The following KATNA1 variants were observed in gnomAD, a reference collection of about 807,000 sequenced individuals.
KATNA1 encodes the protein katanin p60 ATPase-containing subunit A1.
Under a neutral mutation model 62.6 loss-of-function variants are expected in KATNA1, and 42 were observed. That is an observed-to-expected ratio of 0.67 (90% confidence interval 0.52 to 0.87). The LOEUF is 0.87. Among genes scored for constraint, KATNA1 ranks in the 40% least tolerant of loss-of-function variants. The pLI, the probability that KATNA1 is intolerant of heterozygous loss-of-function variation, is 0.00. For missense variants in KATNA1, 498 were observed against 612.5 expected, an observed-to-expected ratio of 0.81 and a Z score of 1.97; for synonymous variants, 186 against 201.9, an observed-to-expected ratio of 0.92 and a Z score of 0.67.
intron 1 of KATNA1, among the ~76,000 whole-genome samples, chr6:149,645,852 AG>A (rs927476222): frequency 3.3e-5 from 5 of 152,214 alleles, no homozygotes; most frequent in African/African-American, 1.2e-4. Flanking sequence ...TATGTGATGC[AG>A]TGCTGTCTCT....
At chr6:149,604,596 T>A in intron 5 of KATNA1, 65 bp downstream of exon 5, 1 of 1,554,346 alleles carries the variant, frequency 6.4e-7, no homozygotes, top group Non-Finnish European at 8.9e-7. Flanking sequence ...ATGCTCACAT[T>A]TGCTCCATTT....
At chr6:149,599,041 T>A (rs1778432395) in intron 7 of KATNA1, among the ~76,000 whole-genome samples, 1 of 151,890 alleles carries the variant, frequency 6.6e-6, no homozygotes, top group Non-Finnish European at 1.5e-5. Flanking sequence ...ATTTTTATAT[T>A]TTTGGTAGAG....
chr6:149,648,466 C>T lies in KATNA1; in HGVS notation c.-14+3G>A, dbSNP rs1003873318. 4 of 152,270 alleles carry T rather than the reference C, an allele frequency of 2.6e-5. No homozygotes were observed. The highest frequency in any genetic ancestry group is 7.2e-5 in the African/African-American group (3 of 41,444). 9.4% of individuals were successfully genotyped at this position (152,270 alleles called of 1,614,324 possible). A position where few individuals can be genotyped will look rare whatever the true frequency, so the allele number is the denominator to read the frequency against. ...CCAGAGCACCGCCAGAGTGAAAACT[C>T]ACCTGCGGCGGCCCAAGCTCCTCGG... On this transcript the variant is annotated splice_donor_region_variant and intron_variant, in intron 1 of 10. Transcript: ENST00000367411.
chr6:149,601,937 C>T (rs1465971700), intron 6 of KATNA1, 185 bp from the exon 7 acceptor site: 3 of 448,138 alleles, frequency 6.7e-6, no homozygotes, highest in Non-Finnish European at 1.1e-5. Flanking sequence ...AAGAAGATAA[C>T]CACATTATGA....
intron 3 of KATNA1, among the ~76,000 whole-genome samples, chr6:149,629,763 A>G (rs1462102170): frequency 6.6e-6 from 1 of 152,188 alleles, no homozygotes. Flanking sequence ...AACTATATAT[A>G]GGTTACATAC....
intron 2 of KATNA1, among the ~76,000 whole-genome samples, chr6:149,634,568 C>T (rs775479118): frequency 6.6e-5 from 10 of 152,136 alleles, no homozygotes; most frequent in South Asian, 2.1e-4. Flanking sequence ...TACAGTGGCA[C>T]GATCATAGCT....
intron 1 of KATNA1, among the ~76,000 whole-genome samples, chr6:149,644,833 T>G (rs1390190033): frequency 1.3e-5 from 2 of 152,074 alleles, no homozygotes; most frequent in African/African-American, 4.8e-5. Context: ...CTAACAAACA[T>G]GAATGTAAAG....
In KATNA1 at chr6:149,638,370, C is replaced by A. The variant is rs1780146599; in HGVS notation, c.162+16G>T. 1.2e-6 allele frequency: 2 copies of A among 1,606,874 alleles called. No homozygotes were observed. Among genetic ancestry groups the A allele is most frequent in the South Asian group, 1.1e-5 (1 of 90,330 alleles). On this transcript the variant is annotated intron_variant, in intron 2 of 10. Coordinates refer to ENST00000367411, the MANE Select transcript of KATNA1 (RefSeq NM_007044.4). ...GTACTTAAGCCATTAAAACATACAG[C>A]AGCCATTACTCTCACCTGTTGCCAT...
intron 7 of KATNA1, among the ~76,000 whole-genome samples, chr6:149,598,707 C>G (rs1778420506): frequency 1.3e-5 from 2 of 151,400 alleles, no homozygotes; most frequent in Non-Finnish European, 2.9e-5. Context: ...GACTGGGTGA[C>G]AGAGTGAGAA....
At chr6:149,596,560 G>A (rs948856812) in intron 10 of KATNA1, among the ~76,000 whole-genome samples, 4 of 151,952 alleles carry the variant, frequency 2.6e-5, no homozygotes, top group Non-Finnish European at 5.9e-5. Context: ...ACTGGAATGT[G>A]GGTCTTTATT....
At chr6:149,617,744 G>A (rs1258134428) in intron 4 of KATNA1, among the ~76,000 whole-genome samples, 4 of 152,076 alleles carry the variant, frequency 2.6e-5, no homozygotes, top group Non-Finnish European at 5.9e-5. Context: ...AAACCAGCCT[G>A]ACCAATATGG....
In KATNA1 at chr6:149,597,395, G is replaced by C. The variant is rs1348951904; in HGVS notation, c.1150+112C>G. The C allele has an allele frequency of 6.0e-6, 8 of 1,343,702 alleles. No individual in the cohort carries two copies. The South Asian group carries it at 1.1e-4, about 18-fold the overall frequency. The allele number at this position is 1,343,702 out of a possible 1,614,324, so 83.2% of individuals were successfully genotyped here. A position where few individuals can be genotyped will look rare whatever the true frequency, so the allele number is the denominator to read the frequency against. On this transcript the variant is annotated intron_variant, in intron 9 of 10. Transcript: ENST00000367411. ...TAGCCAAACTAGTACTGTAAAGGAA[G>C]ATACTCCTCATGTATCTCTTCCAGA...
chr6:149,602,784 T>C (rs933575788), intron 6 of KATNA1, among the ~76,000 whole-genome samples: 11 of 151,168 alleles, frequency 7.3e-5, no homozygotes, highest in Non-Finnish European at 7.4e-5. Flanking sequence ...TGCAATGGCG[T>C]GATCTCAGCT....
Position 149,614,160 on chromosome 6 carries a change from C to T in KATNA1, c.501+8943G>A, listed in dbSNP as rs111393063. Among the ~76,000 whole-genome samples the T allele has an allele frequency of 3.6e-4, 55 of 152,290 alleles. No homozygotes were observed. The Middle Eastern group carries it at 0.01, about 28-fold the overall frequency. On this transcript the variant is annotated intron_variant, in intron 4 of 10. Coordinates refer to ENST00000367411, the MANE Select transcript of KATNA1 (RefSeq NM_007044.4). ...TAGGCCCTTAGTAGGCAACTGTACACGTGCTCCTGGAGTAGTCTGCAGGCA... is the reference window on the plus strand; with the variant it reads ...TAGGCCCTTAGTAGGCAACTGTACATGTGCTCCTGGAGTAGTCTGCAGGCA...
chr6:149,633,153 G>C (rs1420669766), intron 2 of KATNA1, among the ~76,000 whole-genome samples: 2 of 146,542 alleles, frequency 1.4e-5, no homozygotes, highest in Non-Finnish European at 3.0e-5. Context: ...GCCCAGGCTG[G>C]AGTGCAGTGG....
chr6:149,624,778 G>A (rs1779540286), intron 3 of KATNA1, among the ~76,000 whole-genome samples: 1 of 151,560 alleles, frequency 6.6e-6, no homozygotes, highest in Non-Finnish European at 1.5e-5. Flanking sequence ...TTACAAGGGG[G>A]AAAACAAACA....
chr6:149,618,665 C>T (rs771670181), intron 4 of KATNA1, among the ~76,000 whole-genome samples: 28 of 151,902 alleles, frequency 1.8e-4, no homozygotes, highest in Non-Finnish European at 2.9e-4. Flanking sequence ...ATAGAGAATC[C>T]GGAAATCCAT....
intron 4 of KATNA1, among the ~76,000 whole-genome samples, chr6:149,609,911 C>A (rs1237504271): frequency 6.6e-6 from 1 of 150,912 alleles, no homozygotes; most frequent in African/African-American, 2.4e-5. Context: ...ACCAGCCCGA[C>A]CAACATGGAG....
rs1174632801 is a variant in KATNA1, at chr6:149,597,134, A to C, written c.1206T>G (p.Asp402Glu). ...CTGCTATACTTGCAAGGTCAACATC[A>C]TCAGCCAATTCCAACTCACGTAGAC... is the stretch of plus-strand genomic sequence containing the variant. Reference protein sequence around the residue: ...RISLRELELADDVDLASIAEN... With the variant: ...RISLRELELAEDVDLASIAEN... The change falls in exon 10 of 11, where the codon GAT becomes GAG. Residue 402 changes from aspartate (D) to glutamate (E), a missense_variant. This residue lies in a region of KATNA1 where 267 missense variants were observed against 372.6 expected (regional missense o/e 0.72). Coordinates refer to ENST00000367411, the MANE Select transcript of KATNA1 (RefSeq NM_007044.4). The C allele has an allele frequency of 6.2e-7, 1 of 1,614,054 alleles. No individual in the cohort carries two copies. Among genetic ancestry groups the C allele is most frequent in the Non-Finnish European group, 8.5e-7 (1 of 1,180,002 alleles).
Sources: allele counts gnomAD v4.1 joint callset (sites outside exome capture counted in the v4.1 genomes callset), GRCh38; gene constraint gnomAD v4.1.1; regional missense constraint gnomAD v4.1.1; transcripts MANE v1.5; gene names NCBI Gene and HGNC (gene_info 2026-07-23, HGNC 2026-07-21).